The following STAT5B variants were observed in gnomAD, a reference collection of about 807,000 sequenced individuals.
The protein encoded by STAT5B is transcription factor STAT5B.
In STAT5B, 21 loss-of-function variants were observed where a neutral mutation model predicts 107.8. That is an observed-to-expected ratio of 0.19 (90% CI 0.14 to 0.28). The LOEUF (loss-of-function observed/expected upper bound fraction) is 0.28. Among genes scored for constraint, STAT5B ranks in the 10% least tolerant of loss-of-function variants. The pLI, the probability that STAT5B is intolerant of heterozygous loss-of-function variation, is 1.00. For missense variants in STAT5B, 565 were observed against 1,008.2 expected, an observed-to-expected ratio of 0.56 and a Z score of 5.95; for synonymous variants, 325 against 401.7, an observed-to-expected ratio of 0.81 and a Z score of 2.28.
intron 1 of STAT5B, among the ~76,000 whole-genome samples, chr17:42,253,082 T>C (rs1414290276): frequency 6.6e-6 from 1 of 152,090 alleles, no homozygotes; most frequent in African/African-American, 2.4e-5. Context: ...TCAGGACTTA[T>C]GGCATCAGTC....
rs2080037196 is a variant in STAT5B, at chr17:42,200,736, C to T, written c.*1002G>A. The stretch of plus-strand genomic sequence containing the variant: ...TGGCAAGGAGAAAACAAAAAAGATC[C>T]AACTTAGAAACAGAACCATGATTCA... On this transcript the variant is annotated 3_prime_UTR_variant, in exon 19 of 19. Transcript: ENST00000293328. The T allele has an allele frequency of 4.7e-6, 1 of 212,586 alleles. No homozygotes were observed. The allele number at this position is 212,586 out of a possible 1,614,324, so 13.2% of individuals were successfully genotyped here.
chr17:42,212,332 G>T, intron 12 of STAT5B, 142 bp from the exon 13 acceptor site: 1 of 1,373,538 alleles, frequency 7.3e-7, no homozygotes, highest in Non-Finnish European at 1.0e-6. Context: ...AGACTCTGCT[G>T]GGGTACACGG....
chr17:42,280,234 C>G (rs901813717), upstream of STAT5B, among the ~76,000 whole-genome samples: 8 of 152,190 alleles, frequency 5.3e-5, no homozygotes, highest in Non-Finnish European at 1.0e-4. Context: ...CTTAGTGCAC[C>G]AGCCTGACCC....
intron 1 of STAT5B, among the ~76,000 whole-genome samples, chr17:42,238,693 C>T (rs1217448547): frequency 2.0e-5 from 3 of 151,586 alleles, no homozygotes; most frequent in Non-Finnish European, 4.4e-5. Flanking sequence ...CCTTGTGATC[C>T]ACCCACCTCG....
At chr17:42,261,945 C>A (rs1258169474) in intron 1 of STAT5B, among the ~76,000 whole-genome samples, 1 of 152,138 alleles carries the variant, frequency 6.6e-6, no homozygotes, top group African/African-American at 2.4e-5. Flanking sequence ...AGCAATCCTT[C>A]CCCCTCAGCC....
chr17:42,263,709 TAG>T (rs760669784), intron 1 of STAT5B, among the ~76,000 whole-genome samples: 3 of 152,184 alleles, frequency 2.0e-5, no homozygotes, highest in South Asian at 2.1e-4. Flanking sequence ...TAATTTTTTG[TAG>T]AGATAGGGTC....
chr17:42,227,615 C>T lies in STAT5B; in HGVS notation c.199G>A (p.Glu67Lys). 1 of 1,614,004 alleles carries T rather than the reference C, an allele frequency of 6.2e-7. No individual in the cohort carries two copies. The highest frequency in any genetic ancestry group is 8.5e-7 in the Non-Finnish European group (1 of 1,179,974). Residue 67 changes from glutamate (E) to lysine (K), a missense_variant, in exon 3 of 19, where the codon GAG (glutamate) becomes AAG (lysine). By Grantham distance (56) the Glu-to-Lys change is moderately conservative (BLOSUM62 1). Around this residue, in one of 11 missense-constraint regions of STAT5B, gnomAD observed 83 missense variants for 145.1 expected, o/e 0.57. Transcript: ENST00000293328. ...TGGTGCTCTGCCTTCTTCTGCAGCT[C>T]CTGCACCAGGCCCTCCAGGAGCTGG... ...ATQLLEGLVQ[E>K]LQKKAEHQVG...
chr17:42,252,626 G>A (rs2080509280), intron 1 of STAT5B, among the ~76,000 whole-genome samples: 1 of 152,150 alleles, frequency 6.6e-6, no homozygotes, highest in Non-Finnish European at 1.5e-5. Flanking sequence ...ACACTGTGGA[G>A]GTCATTAATC....
At chr17:42,262,991 T>TATAC (rs2080628412) in intron 1 of STAT5B, among the ~76,000 whole-genome samples, 1 of 61,092 alleles carries the variant, frequency 1.6e-5, no homozygotes, top group Non-Finnish European at 2.9e-5. Flanking sequence ...TATATATATA[T>TATAC]ATATATATAT....
chr17:42,246,745 C>A (rs1328460334), intron 1 of STAT5B, among the ~76,000 whole-genome samples: 1 of 152,182 alleles, frequency 6.6e-6, no homozygotes, highest in Admixed American at 6.6e-5. Context: ...TATGATCACG[C>A]CGCTATGCTC....
the STAT5B span, among the ~76,000 whole-genome samples, chr17:42,282,053 C>T: frequency 6.6e-6 from 1 of 152,142 alleles, no homozygotes; most frequent in African/African-American, 2.4e-5. Context: ...GGAGAGTCTT[C>T]TGGGAACCAT....
In STAT5B at chr17:42,266,486, A is replaced by T. The variant is rs111362177; in HGVS notation, c.-11+9762T>A. Among the ~76,000 whole-genome samples, 582 of 151,750 alleles carry T rather than the reference A, an allele frequency of 3.8e-3. 4 individuals carry two copies. The highest frequency in any genetic ancestry group is 0.013 in the African/African-American group (558 of 41,422). On this transcript the variant is annotated intron_variant, in intron 1 of 18. Transcript: ENST00000293328. ...AAGTAATACGTTTTCTTACTTAAGG[A>T]CCCACTCCTGGCACACTTCACTCAT...
At chr17:42,218,403 TG>T in intron 8 of STAT5B, 73 bp from the exon 9 acceptor site, 1 of 1,531,384 alleles carries the variant, frequency 6.5e-7, no homozygotes. Flanking sequence ...CCCTCTGTGG[TG>T]GGGGTGGGGC....
chr17:42,223,863 G>T lies in STAT5B; in HGVS notation c.376-307C>A, dbSNP rs9900213. ...TTTGGAGAAACTAGAACGTAACCTG[G>T]TCCAGTGTCACCTGGGTTTTCCTAC... On this transcript the variant is annotated intron_variant, in intron 4 of 18. Transcript: ENST00000293328. 0.28 allele frequency among the ~76,000 whole-genome samples: 42,561 copies of T among 151,992 alleles called. 8,399 individuals are homozygous for T. Among genetic ancestry groups the T allele is most frequent in the African/African-American group, 0.56 (23,102 of 41,446 alleles).
At chr17:42,221,996 GGTGT>G (rs751965123) in intron 5 of STAT5B, among the ~76,000 whole-genome samples, 10 of 142,070 alleles carry the variant, frequency 7.0e-5, no homozygotes, top group East Asian at 2.1e-4. Flanking sequence ...TGTGTGGTGT[GGTGT>G]GTGTGTGCTG....
chr17:42,247,205 C>T (rs567843797), intron 1 of STAT5B, among the ~76,000 whole-genome samples: 4 of 152,280 alleles, frequency 2.6e-5, no homozygotes, highest in Non-Finnish European at 5.9e-5. Flanking sequence ...CAACACAAAC[C>T]TTCACCCAAC....
intron 18 of STAT5B, 83 bp from the exon 19 acceptor site, chr17:42,201,947 A>G: frequency 7.4e-7 from 1 of 1,347,862 alleles, no homozygotes; most frequent in Non-Finnish European, 1.0e-6. Context: ...CCAGGGGAGC[A>G]GTCTGAGCCA....
chr17:42,232,466 C>G (rs1230531460), intron 1 of STAT5B, among the ~76,000 whole-genome samples: 1 of 152,068 alleles, frequency 6.6e-6, no homozygotes, highest in Non-Finnish European at 1.5e-5. Flanking sequence ...CCAGGCTGGT[C>G]TCGAACTCCT....
rs889639051 is a variant in STAT5B at position 42,255,076 on chromosome 17, C to T, written c.-11+21172G>A. Reference sequence around the variant, plus strand: ...ACTGCACTCCAGCCTGGCAATGGAGCGAGACTCCGTCTAAAAAAAAAAAAG... The same window carrying T: ...ACTGCACTCCAGCCTGGCAATGGAGTGAGACTCCGTCTAAAAAAAAAAAAG... On this transcript the variant is annotated intron_variant, in intron 1 of 18. Coordinates refer to ENST00000293328, the MANE Select transcript of STAT5B (RefSeq NM_012448.4). Among the ~76,000 whole-genome samples the T allele has an allele frequency of 2.0e-4, 31 of 151,814 alleles. 1 individual carries two copies. Among genetic ancestry groups the T allele is most frequent in the Admixed American group, 1.3e-3 (20 of 15,236 alleles).
Sources: gnomAD v4.1 joint callset for allele counts (sites outside exome capture counted in the v4.1 genomes callset) on GRCh38, gnomAD v4.1.1 for gene constraint, gnomAD v4.1.1 regional missense constraint, MANE v1.5 for transcripts, NCBI Gene and HGNC (gene_info 2026-07-23, HGNC 2026-07-21) for gene names.